Variants in TIGAR observed in about 807,000 individuals in gnomAD.
TIGAR encodes TP53 induced glycolysis regulatory phosphatase, also known as fructose-2,6-bisphosphatase TIGAR.
In TIGAR, 7 loss-of-function variants were observed where a neutral mutation model predicts 17.9. That is an observed-to-expected ratio of 0.39 (90% CI 0.22 to 0.73). The LOEUF (loss-of-function observed/expected upper bound fraction) is 0.73. Ranked by LOEUF, TIGAR falls within the 30% of genes least tolerant of loss-of-function variation. The pLI is 0.42. For missense variants in TIGAR, 258 were observed against 327.4 expected (o/e 0.79, Z 1.64); for synonymous variants, 94 against 108.6 (o/e 0.87, Z 0.84).
At chr12:4,334,257 AG>A (rs1327126662) in intron 2 of TIGAR, among the ~76,000 whole-genome samples, 2 of 152,170 alleles carry the variant, frequency 1.3e-5, no homozygotes, top group Non-Finnish European at 2.9e-5. Context: ...CAGCAGATCC[AG>A]TGTCTGTGGA....
At chr12:4,324,325 T>C (rs1375035752) in intron 1 of TIGAR, 3 of 230,602 alleles carry the variant, frequency 1.3e-5, no homozygotes, top group Non-Finnish European at 1.5e-5. Context: ...TTAACTTCCT[T>C]TTTTTTTTTT....
At chr12:4,333,029 C>T (rs1372554800) in intron 2 of TIGAR, among the ~76,000 whole-genome samples, 2 of 152,124 alleles carry the variant, frequency 1.3e-5, no homozygotes, top group Non-Finnish European at 2.9e-5. Flanking sequence ...TAGGCTTATA[C>T]AAGTTTAAAT....
At chr12:4,335,270 C>T (rs953016117) in intron 2 of TIGAR, among the ~76,000 whole-genome samples, 9 of 152,070 alleles carry the variant, frequency 5.9e-5, no homozygotes, top group African/African-American at 9.7e-5. Context: ...CTCCTGACCT[C>T]GAGTGATCCA....
At chr12:4,342,855 CATA>C (rs1384770712) in intron 3 of TIGAR, among the ~76,000 whole-genome samples, 1 of 152,158 alleles carries the variant, frequency 6.6e-6, no homozygotes, top group East Asian at 1.9e-4. Flanking sequence ...CAGCTAACAT[CATA>C]ATGACAGGAT....
intron 1 of TIGAR, chr12:4,324,241 C>G (rs1169670435): frequency 3.3e-6 from 2 of 612,216 alleles, no homozygotes; most frequent in Non-Finnish European, 5.8e-6. Flanking sequence ...CATCACCTAT[C>G]CAGCACTACT....
rs1371279482 is a variant in TIGAR, at chr12:4,324,818, G to A, written c.32+3515G>A. On this transcript the variant is annotated intron_variant, in intron 1 of 5. Coordinates refer to ENST00000179259, the MANE Select transcript of TIGAR (RefSeq NM_020375.3). The stretch of plus-strand genomic sequence containing the variant: ...TCTGCTCTACCTCGGCCATCTTGTC[G>A]GATCCTCAGAAAAGTTCACTTCCAT... The A allele has an allele frequency of 7.0e-6, 4 of 572,990 alleles. No individual in the cohort carries two copies. The Admixed American group carries it at 8.7e-5, about 13-fold the overall frequency. 35.5% of individuals were successfully genotyped at this position (572,990 alleles called of 1,614,324 possible). A position where few individuals can be genotyped will look rare whatever the true frequency, so the allele number is the denominator to read the frequency against.
chr12:4,344,795 G>A (rs548900873), intron 3 of TIGAR, among the ~76,000 whole-genome samples: 3 of 152,246 alleles, frequency 2.0e-5, no homozygotes, highest in South Asian at 4.1e-4. Flanking sequence ...GAAATAAAGG[G>A]TATTCAATTA....
At chr12:4,339,376 T>C (rs1195952338) in intron 3 of TIGAR, among the ~76,000 whole-genome samples, 1 of 152,082 alleles carries the variant, frequency 6.6e-6, no homozygotes, top group African/African-American at 2.4e-5. Flanking sequence ...CTAAACAGAA[T>C]AATAACAAGT....
In TIGAR at chr12:4,352,511, T is replaced by C. The variant is rs142063875; in HGVS notation, c.633T>C (p.Thr211=). 58 of 1,614,200 alleles carry C rather than the reference T, an allele frequency of 3.6e-5. No individual in the cohort carries two copies. The African/African-American group carries it at 4.8e-4, about 13-fold the overall frequency. Residue 211 remains threonine, a synonymous_variant, in exon 6 of 6, where the codon ACT becomes ACC. Coordinates refer to ENST00000179259, the MANE Select transcript of TIGAR (RefSeq NM_020375.3). ...GAAGTCTGTTTGATTATTTTCTGAC[T>C]GACCTTAAGTGTTCCTTACCAGCCA... The part of the protein sequence containing the change: ...YMRSLFDYFL[T]DLKCSLPATL...
At chr12:4,331,964 A>G (rs1168400276) in intron 2 of TIGAR, among the ~76,000 whole-genome samples, 8 of 152,158 alleles carry the variant, frequency 5.3e-5, no homozygotes, top group South Asian at 2.1e-4. Flanking sequence ...TGATTTTCAT[A>G]TTCCGTGTGC....
intron 3 of TIGAR, among the ~76,000 whole-genome samples, chr12:4,341,825 A>G (rs1156524465): frequency 6.6e-6 from 1 of 152,254 alleles, no homozygotes; most frequent in Non-Finnish European, 1.5e-5. Flanking sequence ...TCTAAAAATC[A>G]GAGCGCCTCT....
intron 3 of TIGAR, among the ~76,000 whole-genome samples, chr12:4,341,782 A>G (rs1479605533): frequency 2.0e-5 from 3 of 152,154 alleles, no homozygotes; most frequent in African/African-American, 4.8e-5. Context: ...AACCACAAAG[A>G]TGGGGAAAAA....
At position 4,321,305 on chromosome 12, in the gene TIGAR, T is replaced by C; in HGVS notation, c.32+2T>C. 1.2e-6 allele frequency: 2 copies of C among 1,600,976 alleles called. No homozygotes were observed. Among genetic ancestry groups the C allele is most frequent in the Non-Finnish European group, 1.7e-6 (2 of 1,179,596 alleles). ...CTTCGCTCTGACTGTTGTCCGGCAG[T>C]GAGTATGGCTGTGGCAGGATGTCTT... On this transcript the variant is annotated splice_donor_variant, in intron 1 of 5. Transcript: ENST00000179259. LOFTEE classifies it high-confidence loss of function. This position sits in a 1 kb window ranked among gnomAD's most constrained non-coding sequence, Gnocchi z 5.2.
chr12:4,357,216 G>A lies in TIGAR; in HGVS notation c.*4525G>A, dbSNP rs1053228832. Among the ~76,000 whole-genome samples, 3 of 152,288 alleles carry A rather than the reference G, an allele frequency of 2.0e-5. No homozygotes were observed. The highest frequency in any genetic ancestry group is 2.0e-4 in the Admixed American group (3 of 15,304). On this transcript the variant is annotated 3_prime_UTR_variant, in exon 6 of 6. Coordinates refer to ENST00000179259, the MANE Select transcript of TIGAR (RefSeq NM_020375.3). ...ATGCTTATATTATGTATACTTGCAT[G>A]CATATTACATTTACAAGTAGATGAA...
In TIGAR at chr12:4,331,304, G is replaced by C; in HGVS notation, c.57G>C (p.Glu19Asp). ...GTGGAGAAACAAGATTTAACAAGGAGAAAATAATCCAAGGTTGGTATAATC... is the reference window on the plus strand; with the variant it reads ...GTGGAGAAACAAGATTTAACAAGGACAAAATAATCCAAGGTTGGTATAATC... Reference protein sequence around the residue: ...VRHGETRFNKEKIIQGQGVDE... With the variant: ...VRHGETRFNKDKIIQGQGVDE... The change falls in exon 2 of 6, where the codon GAG becomes GAC. Residue 19 changes from glutamate (E) to aspartate (D), a missense_variant. Glu to Asp is a conservative substitution (Grantham distance 45). Coordinates refer to ENST00000179259, the MANE Select transcript of TIGAR (RefSeq NM_020375.3). The C allele has an allele frequency of 6.2e-7, 1 of 1,609,984 alleles. No individual in the cohort carries two copies. Among genetic ancestry groups the C allele is most frequent in the East Asian group, 2.2e-5 (1 of 44,836 alleles).
Position 4,352,817 on chromosome 12 carries a change from G to C in TIGAR, c.*126G>C. ...TAAAAGCCAATTTTTAGCTCCAGTG[G>C]AACCATAGCCACATAAAACTTTAAT... On this transcript the variant is annotated 3_prime_UTR_variant, in exon 6 of 6. Coordinates refer to ENST00000179259, the MANE Select transcript of TIGAR (RefSeq NM_020375.3). The C allele has an allele frequency of 1.2e-6, 1 of 810,604 alleles. No individual in the cohort carries two copies. The highest frequency in any genetic ancestry group is 1.9e-5 in the South Asian group (1 of 52,602). 50.2% of individuals were successfully genotyped at this position (810,604 alleles called of 1,614,324 possible).
In TIGAR at chr12:4,351,519, T is replaced by C. The variant is rs1026489057; in HGVS notation, c.381+142T>C. The C allele has an allele frequency of 7.6e-6, 5 of 661,078 alleles. No homozygotes were observed. In the African/African-American group the frequency reaches 9.1e-5, roughly 12 times the overall value. The allele number at this position is 661,078 out of a possible 1,614,324, so 41.0% of individuals were successfully genotyped here. A position where few individuals can be genotyped will look rare whatever the true frequency, so the allele number is the denominator to read the frequency against. ...ATCTATTTACTTAGCAAATTATTCT[T>C]TTCTATTTAAAATCTTATTTACTGT... is the stretch of plus-strand genomic sequence containing the variant. On this transcript the variant is annotated intron_variant, in intron 5 of 5. Coordinates refer to ENST00000179259, the MANE Select transcript of TIGAR (RefSeq NM_020375.3).
intron 2 of TIGAR, among the ~76,000 whole-genome samples, chr12:4,334,041 A>G (rs1042214032): frequency 1.1e-4 from 16 of 144,336 alleles, no homozygotes; most frequent in African/African-American, 4.1e-4. Flanking sequence ...TTTACTTCTT[A>G]AGTTCTTGGT....
intron 1 of TIGAR, chr12:4,324,658 C>T (rs1335474994): frequency 3.2e-6 from 4 of 1,242,888 alleles, no homozygotes; most frequent in African/African-American, 1.5e-5. Context: ...GTTCTGTTTC[C>T]GCCGCAGGCC....
Sources: gnomAD v4.1 joint callset for allele counts (sites outside exome capture counted in the v4.1 genomes callset) on GRCh38, gnomAD v4.1.1 for gene constraint, Gnocchi (gnomAD v3.1) non-coding constraint, MANE v1.5 for transcripts, NCBI Gene and HGNC (gene_info 2026-07-23, HGNC 2026-07-21) for gene names.